Variants in INPP4B observed in about 807,000 individuals in gnomAD.
INPP4B encodes inositol polyphosphate 4-phosphatase type II.
Under a neutral mutation model 122.5 loss-of-function variants are expected in INPP4B, and 55 were observed. That is an observed-to-expected ratio of 0.45 (90% confidence interval 0.36 to 0.56). The LOEUF (loss-of-function observed/expected upper bound fraction) is 0.56, where lower values mean the gene tolerates loss of function less well. Among genes scored for constraint, INPP4B ranks in the 20% least tolerant of loss-of-function variants. INPP4B has a pLI of 0.00. For synonymous variants in INPP4B, 403 were observed against 388.7 expected (o/e 1.04, Z -0.43); for missense variants, 1,000 against 1,097.7 (o/e 0.91, Z 1.26).
chr4:142,693,483 T>TAAAAAAAAAA (rs554003993), intron 2 of INPP4B, among the ~76,000 whole-genome samples: 1 of 52,396 alleles, frequency 1.9e-5, no homozygotes, highest in Non-Finnish European at 3.3e-5. Context: ...TGCCTTTTTC[T>TAAAAAAAAAA]AAAAAAAAAA....
At chr4:142,644,416 A>G (rs1186910087) in intron 2 of INPP4B, among the ~76,000 whole-genome samples, 1 of 151,956 alleles carries the variant, frequency 6.6e-6, no homozygotes, top group African/African-American at 2.4e-5. Flanking sequence ...ATGAGCCAAA[A>G]AGAGATATGA....
chr4:142,557,798 T>A (rs1421995259), intron 2 of INPP4B, among the ~76,000 whole-genome samples: 3 of 152,212 alleles, frequency 2.0e-5, no homozygotes, highest in Non-Finnish European at 4.4e-5. Flanking sequence ...AATAGGTCTA[T>A]CAGAAAGGGT....
intron 2 of INPP4B, among the ~76,000 whole-genome samples, chr4:142,710,299 T>C (rs575812555): frequency 1.3e-4 from 20 of 152,306 alleles, no homozygotes; most frequent in African/African-American, 4.6e-4. Flanking sequence ...TGATTATTCA[T>C]TGAAGGGTAA....
At chr4:142,488,425 A>C (rs1046505276) in intron 2 of INPP4B, among the ~76,000 whole-genome samples, 1 of 152,072 alleles carries the variant, frequency 6.6e-6, no homozygotes, top group Admixed American at 6.6e-5. Flanking sequence ...CATTCCGCTT[A>C]TACTTTATTA....
chr4:142,666,478 ATAT>A (rs1302296765), intron 2 of INPP4B, among the ~76,000 whole-genome samples: 3 of 152,166 alleles, frequency 2.0e-5, no homozygotes, highest in Non-Finnish European at 4.4e-5. Flanking sequence ...TTATTTAACA[ATAT>A]TATACGGCAA....
chr4:142,114,912 A>C (rs1792268185), intron 21 of INPP4B, among the ~76,000 whole-genome samples: 1 of 152,092 alleles, frequency 6.6e-6, no homozygotes. Context: ...AAAAACCTCG[A>C]AAAAAGATTA....
chr4:142,417,820 C>G (rs1048626912), intron 5 of INPP4B, among the ~76,000 whole-genome samples: 3 of 152,120 alleles, frequency 2.0e-5, no homozygotes. Flanking sequence ...GTCCAAATAC[C>G]AGCCTGGCCC....
intron 7 of INPP4B, among the ~76,000 whole-genome samples, chr4:142,329,707 A>C (rs1252926097): frequency 6.6e-6 from 1 of 152,236 alleles, no homozygotes; most frequent in Non-Finnish European, 1.5e-5. Flanking sequence ...AAATATTTAT[A>C]GAAAGCAGTT....
intron 3 of INPP4B, among the ~76,000 whole-genome samples, chr4:142,443,826 A>G (rs1812340846): frequency 6.6e-6 from 1 of 152,134 alleles, no homozygotes; most frequent in Non-Finnish European, 1.5e-5. Context: ...AGAGGGGAGG[A>G]AGAAGAGAAG....
At chr4:142,699,562 C>T (rs566371498) in intron 2 of INPP4B, among the ~76,000 whole-genome samples, 1 of 152,206 alleles carries the variant, frequency 6.6e-6, no homozygotes, top group Admixed American at 6.5e-5. Context: ...TGCTTTATAT[C>T]CATGATCTTT....
At chr4:142,689,259 G>C (rs983449444) in intron 2 of INPP4B, among the ~76,000 whole-genome samples, 3 of 152,038 alleles carry the variant, frequency 2.0e-5, no homozygotes, top group African/African-American at 7.2e-5. Context: ...GAATGATGAA[G>C]GCAAAAAACA....
At chr4:142,103,611 G>T (rs1357995914) in intron 23 of INPP4B, among the ~76,000 whole-genome samples, 1 of 152,048 alleles carries the variant, frequency 6.6e-6, no homozygotes, top group East Asian at 1.9e-4. Context: ...TATTGTTTCA[G>T]AAAGAGGTTT....
chr4:142,423,959 C>G (rs1807492817), intron 5 of INPP4B: 1 of 316,774 alleles, frequency 3.2e-6, no homozygotes, highest in South Asian at 2.7e-5. Flanking sequence ...GCGGGCCTTT[C>G]TATATGTAGC....
At chr4:142,639,420 G>A (rs539211249) in intron 2 of INPP4B, among the ~76,000 whole-genome samples, 360 of 152,158 alleles carry the variant, frequency 2.4e-3, no homozygotes, top group African/African-American at 7.0e-3. Flanking sequence ...GATTAAATAG[G>A]TTTATTCAGA....
chr4:142,624,487 G>A (rs1376653219), intron 2 of INPP4B, among the ~76,000 whole-genome samples: 1 of 151,544 alleles, frequency 6.6e-6, no homozygotes, highest in East Asian at 1.9e-4. Context: ...CAGATGAGTA[G>A]GTTGTGAAAA....
intron 2 of INPP4B, among the ~76,000 whole-genome samples, chr4:142,578,383 G>T (rs1295850004): frequency 2.0e-5 from 3 of 151,926 alleles, no homozygotes; most frequent in Non-Finnish European, 4.4e-5. Context: ...TGCTAGGGCT[G>T]CCTAACACAA....
chr4:142,171,448 T>C (rs1328742988), intron 16 of INPP4B, among the ~76,000 whole-genome samples: 1 of 151,876 alleles, frequency 6.6e-6, no homozygotes, highest in Non-Finnish European at 1.5e-5. Context: ...ATCCATAGTA[T>C]ACAACAAGCC....
At position 142,023,285 on chromosome 4, in the gene INPP4B, C is replaced by A. The variant is rs1736031279; in HGVS notation, c.*5497G>T. 1 of 151,754 alleles carries A rather than the reference C, an allele frequency of 6.6e-6. No individual in the cohort carries two copies. Among genetic ancestry groups the A allele is most frequent in the African/African-American group, 2.4e-5 (1 of 41,280 alleles). The allele number at this position is 151,754 out of a possible 1,614,324, so 9.4% of individuals were successfully genotyped here. On this transcript the variant is annotated 3_prime_UTR_variant, in exon 26 of 26. Transcript: ENST00000262992. ...CCAACATAAAATGATCTATTTATGC[C>A]TAGAAAAAATTTCTAGGAATACACA...
chr4:142,730,140 T>A (rs1437532157), intron 1 of INPP4B, among the ~76,000 whole-genome samples: 1 of 152,150 alleles, frequency 6.6e-6, no homozygotes. Context: ...TCTCCAGATC[T>A]CCCAGCCCTT....
Sources: gnomAD v4.1 joint callset for allele counts (sites outside exome capture counted in the v4.1 genomes callset) on GRCh38, gnomAD v4.1.1 for gene constraint, MANE v1.5 for transcripts, NCBI Gene and HGNC (gene_info 2026-07-23, HGNC 2026-07-21) for gene names.